BCAS3: variants seen among roughly 807,000 people sequenced by gnomAD.
BCAS3 encodes the protein BCAS4/BCAS3 fusion.
A neutral mutation model predicts 116.1 loss-of-function variants in BCAS3; 53 were observed. The observed-to-expected ratio is 0.46, with a 90% CI of 0.37 to 0.57. The LOEUF is 0.57. Ranked by LOEUF, BCAS3 falls within the 20% of genes least tolerant of loss-of-function variation. BCAS3 has a pLI of 0.00. For missense variants in BCAS3, 917 were observed against 1,165.4 expected, an observed-to-expected ratio of 0.79 and a Z score of 3.10; for synonymous variants, 391 against 408.2, an observed-to-expected ratio of 0.96 and a Z score of 0.51.
At position 61,073,729 on chromosome 17, in the gene BCAS3, A is replaced by G. The variant is rs72844907; in HGVS notation, c.2030-1191A>G. Among the ~76,000 whole-genome samples the G allele has an allele frequency of 0.01, 1,537 of 152,162 alleles. 16 individuals carry two copies. The highest frequency in any genetic ancestry group is 0.026 in the South Asian group (126 of 4,822). ...TTTCTTCCACACTTCTTTAATGATCATCTCTTACTTTCTTACTTTTCTTTC... is the reference window on the plus strand; with the variant it reads ...TTTCTTCCACACTTCTTTAATGATCGTCTCTTACTTTCTTACTTTTCTTTC... On this transcript the variant is annotated intron_variant, in intron 19 of 23. Coordinates refer to ENST00000407086, the MANE Select transcript of BCAS3 (RefSeq NM_017679.5). This position sits in a 1 kb window ranked among gnomAD's most constrained non-coding sequence, Gnocchi z 4.6.
chr17:60,934,537 T>G (rs1391052485), intron 13 of BCAS3, among the ~76,000 whole-genome samples: 2 of 152,188 alleles, frequency 1.3e-5, no homozygotes, highest in Non-Finnish European at 2.9e-5. Flanking sequence ...AGCTGTTGAT[T>G]TCAACTTTTC....
intron 7 of BCAS3, among the ~76,000 whole-genome samples, chr17:60,858,810 G>A (rs769959690): frequency 1.3e-5 from 2 of 151,930 alleles, no homozygotes; most frequent in Non-Finnish European, 2.9e-5. Flanking sequence ...ATCCATTAGT[G>A]GTTTCAACTT....
chr17:60,969,119 C>G (rs1459905809), intron 14 of BCAS3, among the ~76,000 whole-genome samples: 1 of 152,086 alleles, frequency 6.6e-6, no homozygotes, highest in African/African-American at 2.4e-5. Flanking sequence ...TCTGTGGCCT[C>G]AGGAATTGTC....
rs773030507 is a variant in BCAS3 at position 61,364,136 on chromosome 17, G to T, written c.2426-4191G>T. ...CCACTGATTGTATCCTCTCTATGACGTCTCAGGACGGTAGAAATGATCAGG... is the reference window on the plus strand; with the variant it reads ...CCACTGATTGTATCCTCTCTATGACTTCTCAGGACGGTAGAAATGATCAGG... On this transcript the variant is annotated intron_variant, in intron 22 of 23. Transcript: ENST00000407086. The surrounding 1 kb of genome is among the most constrained non-coding windows in gnomAD (Gnocchi z 5.4). Among the ~76,000 whole-genome samples the T allele has an allele frequency of 6.6e-6, 1 of 152,202 alleles. No individual in the cohort carries two copies. Among genetic ancestry groups the T allele is most frequent in the Non-Finnish European group, 1.5e-5 (1 of 68,038 alleles).
Position 60,689,708 on chromosome 17 carries a change from C to T in BCAS3, c.161C>T (p.Thr54Ile). 1.2e-6 allele frequency: 2 copies of T among 1,607,482 alleles called. No homozygotes were observed. The highest frequency in any genetic ancestry group is 1.7e-6 in the Non-Finnish European group (2 of 1,174,470). The change falls in exon 4 of 24, where the codon ACA (threonine) becomes ATA (isoleucine). Residue 54 changes from threonine to isoleucine, a missense_variant. Physicochemically the swap from Thr to Ile is moderately conservative, Grantham distance 89. Transcript: ENST00000407086. ...VPQAYSGTPL[T>I]EEKEKIVWVR... ...CAGGCTTACAGTGGAACACCTCTAA[C>T]AGAAGAAAAGGAGAAAATAGTCTGG...
At chr17:61,260,042 C>T (rs117427952) in intron 22 of BCAS3, among the ~76,000 whole-genome samples, 59 of 152,212 alleles carry the variant, frequency 3.9e-4, no homozygotes, top group Non-Finnish European at 2.1e-4. Context: ...ATTCTTATGC[C>T]CATGTTACAG....
chr17:60,733,561 T>TAAAA (rs1821074870), intron 5 of BCAS3, among the ~76,000 whole-genome samples: 1 of 152,120 alleles, frequency 6.6e-6, no homozygotes, highest in Non-Finnish European at 1.5e-5. Flanking sequence ...GGATGTTTGG[T>TAAAA]TGGGTGTGGT....
chr17:61,267,833 A>G (rs1415015731), intron 22 of BCAS3, among the ~76,000 whole-genome samples: 1 of 152,034 alleles, frequency 6.6e-6, no homozygotes, highest in Non-Finnish European at 1.5e-5. Context: ...TGTGATCTGC[A>G]ACATGACCGT....
chr17:60,992,729 A>G (rs2063608590), intron 15 of BCAS3, among the ~76,000 whole-genome samples: 1 of 152,218 alleles, frequency 6.6e-6, no homozygotes, highest in South Asian at 2.1e-4. Context: ...AATTTTTATA[A>G]AATAAAATTT....
At position 61,243,626 on chromosome 17, in the gene BCAS3, A is replaced by G. The variant is rs2047699772; in HGVS notation, c.2426-124701A>G. Among the ~76,000 whole-genome samples the G allele has an allele frequency of 1.3e-5, 2 of 152,228 alleles. No individual in the cohort carries two copies. Among genetic ancestry groups the G allele is most frequent in the Non-Finnish European group, 2.9e-5 (2 of 68,044 alleles). On this transcript the variant is annotated intron_variant, in intron 22 of 23. Coordinates refer to ENST00000407086, the MANE Select transcript of BCAS3 (RefSeq NM_017679.5). The surrounding 1 kb of genome is among the most constrained non-coding windows in gnomAD (Gnocchi z 5.6). Reference sequence around the variant, plus strand: ...TTAGAATTGAGTACAGTTTGATTGAATCAAGGGTAATCACCATTATCCTGA... The same window carrying G: ...TTAGAATTGAGTACAGTTTGATTGAGTCAAGGGTAATCACCATTATCCTGA...
intron 13 of BCAS3, among the ~76,000 whole-genome samples, chr17:60,944,611 G>A (rs1037410770): frequency 3.3e-5 from 5 of 151,986 alleles, no homozygotes; most frequent in African/African-American, 1.2e-4. Flanking sequence ...CAGGGACACA[G>A]ATAAGAAAAT....
rs979311218 is a variant in BCAS3, at chr17:60,961,339, G to A, written c.1221+13987G>A. Among the ~76,000 whole-genome samples, 13 of 152,048 alleles carry A rather than the reference G, an allele frequency of 8.5e-5. No individual in the cohort carries two copies. Among genetic ancestry groups the A allele is most frequent in the South Asian group, 2.1e-4 (1 of 4,820 alleles). ...GTTTATCAGCATACATGATTCTGGC[G>A]GCTGGCTAGGCTAGTCTGAAATCAG... is the stretch of plus-strand genomic sequence containing the variant. On this transcript the variant is annotated intron_variant, in intron 14 of 23. Transcript: ENST00000407086. This position sits in a 1 kb window ranked among gnomAD's most constrained non-coding sequence, Gnocchi z 4.8.
chr17:60,714,002 T>C (rs1431890669), intron 5 of BCAS3, among the ~76,000 whole-genome samples: 1 of 151,950 alleles, frequency 6.6e-6, no homozygotes, highest in Admixed American at 6.6e-5. Context: ...CCAGGCTAAT[T>C]TTTGTATTTT....
chr17:60,697,377 A>G (rs963865040), intron 4 of BCAS3, among the ~76,000 whole-genome samples: 35 of 152,074 alleles, frequency 2.3e-4, no homozygotes, highest in African/African-American at 7.5e-4. Context: ...CCTGGCCAAC[A>G]TGGTGAAACC....
intron 5 of BCAS3, among the ~76,000 whole-genome samples, chr17:60,746,326 T>C (rs1177265037): frequency 6.6e-6 from 1 of 152,156 alleles, no homozygotes; most frequent in Non-Finnish European, 1.5e-5. Flanking sequence ...AAAGCTATTC[T>C]TAACTATAAT....
rs941241421 is a variant in BCAS3 at position 61,376,896 on chromosome 17, A to G, written c.2593+8402A>G. On this transcript the variant is annotated intron_variant, in intron 23 of 23. Transcript: ENST00000407086. This position sits in a 1 kb window ranked among gnomAD's most constrained non-coding sequence, Gnocchi z 4.5. Reference sequence around the variant, plus strand: ...TCTTAATGACCTCATCAGTGGCCCAACGTGTTCTTTCTGTGGTTGGGGCAG... The same window carrying G: ...TCTTAATGACCTCATCAGTGGCCCAGCGTGTTCTTTCTGTGGTTGGGGCAG... Among the ~76,000 whole-genome samples the G allele has an allele frequency of 1.3e-5, 2 of 152,132 alleles. No individual in the cohort carries two copies. Among genetic ancestry groups the G allele is most frequent in the Admixed American group, 6.5e-5 (1 of 15,272 alleles).
rs2078817694 is a variant in BCAS3 at position 61,171,126 on chromosome 17, C to G, written c.2425+86562C>G. On this transcript the variant is annotated intron_variant, in intron 22 of 23. Transcript: ENST00000407086. This position sits in a 1 kb window ranked among gnomAD's most constrained non-coding sequence, Gnocchi z 4.1. Reference sequence around the variant, plus strand: ...TAAAAAAAAGCAAGACCCACGGCACCTCCTAATTAAGTCGCTTATAATCAG... The same window carrying G: ...TAAAAAAAAGCAAGACCCACGGCACGTCCTAATTAAGTCGCTTATAATCAG... 6.6e-6 allele frequency among the ~76,000 whole-genome samples: 1 copy of G among 152,106 alleles called. No individual in the cohort carries two copies. Among genetic ancestry groups the G allele is most frequent in the African/African-American group, 2.4e-5 (1 of 41,410 alleles).
intron 22 of BCAS3, among the ~76,000 whole-genome samples, chr17:61,085,839 C>T (rs1173890535): frequency 2.6e-5 from 4 of 152,098 alleles, no homozygotes; most frequent in South Asian, 2.1e-4. Flanking sequence ...TTGTTGTGCT[C>T]GTTTGGAATG....
chr17:60,838,399 C>T (rs554859056), intron 7 of BCAS3, among the ~76,000 whole-genome samples: 80 of 151,720 alleles, frequency 5.3e-4, no homozygotes, highest in Non-Finnish European at 1.1e-3. Flanking sequence ...TTTAATAACT[C>T]GGAGGTGGTG....
Sources: allele counts gnomAD v4.1 joint callset (sites outside exome capture counted in the v4.1 genomes callset), GRCh38; gene constraint gnomAD v4.1.1; non-coding constraint Gnocchi (gnomAD v3.1); transcripts MANE v1.5; gene names NCBI Gene and HGNC (gene_info 2026-07-23, HGNC 2026-07-21).